The following PLD5 variants were observed in gnomAD, a reference collection of about 807,000 sequenced individuals.
PLD5 encodes phospholipase D family member 5, also known as inactive phospholipase D5.
In PLD5, 36 loss-of-function variants were observed where a neutral mutation model predicts 61.1. That is an observed-to-expected ratio of 0.59 (90% confidence interval 0.45 to 0.78). The LOEUF (loss-of-function observed/expected upper bound fraction) is 0.78, where lower values mean the gene tolerates loss of function less well. Among genes scored for constraint, PLD5 ranks in the 30% least tolerant of loss-of-function variants. The pLI is 0.00. For synonymous variants in PLD5, 243 were observed against 242.8 expected, an observed-to-expected ratio of 1.00 and a Z score of -0.01; for missense variants, 515 against 644.4, an observed-to-expected ratio of 0.80 and a Z score of 2.17.
In PLD5 at chr1:242,084,640, G is replaced by A. The variant is rs1241301980; in HGVS notation, c.*5214C>T. 6.6e-6 allele frequency: 1 copy of A among 151,624 alleles called. No homozygotes were observed. Among genetic ancestry groups the A allele is most frequent in the Non-Finnish European group, 1.5e-5 (1 of 67,942 alleles). 9.4% of individuals were successfully genotyped at this position (151,624 alleles called of 1,614,324 possible). ...GATGGCTGTTAAAGTATGCTCTACAGCTCAATATGGGTTTGCTGAGCAGAC... is the reference window on the plus strand; with the variant it reads ...GATGGCTGTTAAAGTATGCTCTACAACTCAATATGGGTTTGCTGAGCAGAC... On this transcript the variant is annotated 3_prime_UTR_variant, in exon 10 of 10. Coordinates refer to ENST00000536534, the MANE Select transcript of PLD5 (RefSeq NM_001372062.1).
At chr1:242,224,927 A>G (rs10926664) in intron 4 of PLD5, among the ~76,000 whole-genome samples, 46,266 of 152,070 alleles carry the variant, frequency 0.3, 7,345 homozygotes, top group East Asian at 0.54. Flanking sequence ...TCAGAATGCA[A>G]AACAGTGTCA....
At chr1:242,143,040 C>G (rs759336258) in intron 5 of PLD5, among the ~76,000 whole-genome samples, 1 of 147,728 alleles carries the variant, frequency 6.8e-6, no homozygotes, top group Middle Eastern at 3.3e-3. Flanking sequence ...TTCTCTCTCT[C>G]TTTTTGAGAC....
intron 5 of PLD5, among the ~76,000 whole-genome samples, chr1:242,134,553 C>T (rs1481974991): frequency 6.6e-6 from 1 of 152,112 alleles, no homozygotes; most frequent in Admixed American, 6.6e-5. Flanking sequence ...CACATTTAGT[C>T]TTCAGAGTCT....
chr1:242,363,255 A>G (rs1661168560), intron 1 of PLD5, among the ~76,000 whole-genome samples: 1 of 151,968 alleles, frequency 6.6e-6, no homozygotes, highest in African/African-American at 2.4e-5. Context: ...CTTGTAACAC[A>G]TGAGAAATAG....
intron 5 of PLD5, among the ~76,000 whole-genome samples, chr1:242,143,850 CT>C (rs1553308450): frequency 2.0e-5 from 3 of 149,264 alleles, no homozygotes; most frequent in African/African-American, 4.9e-5. Context: ...TTTTTTTTTC[CT>C]TTTTTTTTGA....
intron 2 of PLD5, among the ~76,000 whole-genome samples, chr1:242,307,437 C>T (rs1676446177): frequency 6.6e-6 from 1 of 152,122 alleles, no homozygotes; most frequent in South Asian, 2.1e-4. Context: ...AAGTACTTTG[C>T]AGACATGATG....
At chr1:242,329,844 T>C (rs2149199775) in intron 2 of PLD5, among the ~76,000 whole-genome samples, 1 of 152,274 alleles carries the variant, frequency 6.6e-6, no homozygotes, top group African/African-American at 2.4e-5. Flanking sequence ...ATGAAGCAGG[T>C]ACTCTTAAAC....
At chr1:242,312,730 G>C (rs1676775058) in intron 2 of PLD5, among the ~76,000 whole-genome samples, 1 of 152,186 alleles carries the variant, frequency 6.6e-6, no homozygotes, top group African/African-American at 2.4e-5. Flanking sequence ...TCTCCAATTT[G>C]CAGAAGGAAA....
Position 242,085,976 on chromosome 1 carries a change from A to G in PLD5, c.*3878T>C, listed in dbSNP as rs1232911752. The G allele has an allele frequency of 1.3e-5, 2 of 152,200 alleles. No homozygotes were observed. Among genetic ancestry groups the G allele is most frequent in the African/African-American group, 4.8e-5 (2 of 41,450 alleles). The allele number at this position is 152,200 out of a possible 1,614,324, so 9.4% of individuals were successfully genotyped here. A position where few individuals can be genotyped will look rare whatever the true frequency, so the allele number is the denominator to read the frequency against. The stretch of plus-strand genomic sequence containing the variant: ...TTATGGTCTTTTCTCCCCCCTTGGA[A>G]TTTAGTTCAATAAAAGTTCCTAAAA... On this transcript the variant is annotated 3_prime_UTR_variant, in exon 10 of 10. Transcript: ENST00000536534.
chr1:242,304,937 C>T (rs1676262867), intron 2 of PLD5, among the ~76,000 whole-genome samples: 2 of 152,072 alleles, frequency 1.3e-5, no homozygotes, highest in South Asian at 4.1e-4. Flanking sequence ...AACCCTGTCT[C>T]TACAAAAAAT....
At chr1:242,409,604 C>T (rs934363426) in intron 1 of PLD5, among the ~76,000 whole-genome samples, 1 of 152,078 alleles carries the variant, frequency 6.6e-6, no homozygotes, top group South Asian at 2.1e-4. Flanking sequence ...AGAAGCTCCC[C>T]CATACAGAGA....
chr1:242,090,204 A>G, intron 9 of PLD5, 94 bp from the exon 10 acceptor site: 1 of 1,480,556 alleles, frequency 6.8e-7, no homozygotes, highest in Non-Finnish European at 9.2e-7. Context: ...ATTAAAAATC[A>G]TCAACATCCA....
At chr1:242,265,234 G>A (rs1574634922) in intron 4 of PLD5, 103 bp downstream of exon 4, 2 of 1,397,500 alleles carry the variant, frequency 1.4e-6, no homozygotes, top group Non-Finnish European at 9.4e-7. Flanking sequence ...TGTACTAAGT[G>A]AAATGTACTA....
intron 1 of PLD5, among the ~76,000 whole-genome samples, chr1:242,472,272 T>C (rs1418074282): frequency 6.6e-6 from 1 of 152,212 alleles, no homozygotes; most frequent in Non-Finnish European, 1.5e-5. Flanking sequence ...AACCTCACAA[T>C]TTCTAAAGAT....
intron 5 of PLD5, among the ~76,000 whole-genome samples, chr1:242,205,298 T>C (rs1177380426): frequency 6.6e-6 from 1 of 152,190 alleles, no homozygotes; most frequent in Non-Finnish European, 1.5e-5. Context: ...AATTTGAGAC[T>C]GCCACAGACA....
At chr1:242,354,099 A>C (rs1467630273) in intron 1 of PLD5, among the ~76,000 whole-genome samples, 1 of 152,016 alleles carries the variant, frequency 6.6e-6, no homozygotes, top group African/African-American at 2.4e-5. Flanking sequence ...TCTGGTCCAG[A>C]CAGGATAAAG....
chr1:242,126,649 A>G (rs1325402082), intron 5 of PLD5, among the ~76,000 whole-genome samples: 1 of 152,222 alleles, frequency 6.6e-6, no homozygotes, highest in African/African-American at 2.4e-5. Context: ...CACCTTCTAC[A>G]AAAATCAACT....
intron 1 of PLD5, among the ~76,000 whole-genome samples, chr1:242,417,449 A>C (rs903191984): frequency 1.3e-5 from 2 of 151,072 alleles, no homozygotes; most frequent in African/African-American, 4.9e-5. Context: ...TTGTTCTAGA[A>C]ATTTCTGCAT....
intron 1 of PLD5, among the ~76,000 whole-genome samples, chr1:242,405,214 G>C (rs1664168472): frequency 3.3e-5 from 5 of 152,066 alleles, no homozygotes; most frequent in Admixed American, 3.3e-4. Context: ...ATTCTCCCAT[G>C]AACAGCCTCC....
Sources: gnomAD v4.1 joint callset for allele counts (sites outside exome capture counted in the v4.1 genomes callset) on GRCh38, gnomAD v4.1.1 for gene constraint, MANE v1.5 for transcripts, NCBI Gene and HGNC (gene_info 2026-07-23, HGNC 2026-07-21) for gene names.